The following SLC39A11 variants were observed in gnomAD, a reference collection of about 807,000 sequenced individuals.
SLC39A11 encodes solute carrier family 39 member 11.
A neutral mutation model predicts 36.1 loss-of-function variants in SLC39A11; 33 were observed. That is an observed-to-expected ratio of 0.91 (90% CI 0.69 to 1.22). The LOEUF (loss-of-function observed/expected upper bound fraction) is 1.22, where lower values mean the gene tolerates loss of function less well. Ranked by LOEUF, SLC39A11 falls within the 50% of genes most tolerant of loss-of-function variation. The probability of loss-of-function intolerance (pLI) is 0.00; values close to 1 mark genes in which losing one functional copy is unlikely to be tolerated. For synonymous variants in SLC39A11, 166 were observed against 170.3 expected (o/e 0.97, Z 0.20); for missense variants, 432 against 430.3 (o/e 1.00, Z -0.03).
rs1416287669 is a variant in SLC39A11, at chr17:72,729,439, ATATATATATATATATATATTTTTTTT to A, written c.671+7185_671+7210del. On this transcript the variant is annotated intron_variant, in intron 7 of 9. Coordinates refer to ENST00000255559, the MANE Select transcript of SLC39A11 (RefSeq NM_139177.4). Reference sequence around the variant, plus strand: ...TATATATATATATATATATATATATATATATATATATATATATATTTTTTTTTTTTTTTTTTTTTGTAGAGACAGGG... The same window carrying A: ...TATATATATATATATATATATATATATTTTTTTTTTTTTGTAGAGACAGGG... Among the ~76,000 whole-genome samples the A allele has an allele frequency of 9.2e-3, 20 of 2,172 alleles. 3 individuals are homozygous for A. Among genetic ancestry groups the A allele is most frequent in the African/African-American group, 0.023 (17 of 724 alleles). 1.4% of individuals were successfully genotyped at this position (2,172 alleles called of 152,430 possible). A position where few individuals can be genotyped will look rare whatever the true frequency, so the allele number is the denominator to read the frequency against.
intron 4 of SLC39A11, among the ~76,000 whole-genome samples, chr17:72,986,959 A>T (rs2088810830): frequency 6.6e-6 from 1 of 152,182 alleles, no homozygotes; most frequent in Non-Finnish European, 1.5e-5. Flanking sequence ...CATAGTATGG[A>T]TGTGTGTTCC....
rs573492811 is a variant in SLC39A11 at position 72,791,804 on chromosome 17, G to A, written c.602-55085C>T. On this transcript the variant is annotated intron_variant, in intron 6 of 9. Transcript: ENST00000255559. ...TAAGGGGCTTTTCGCCCTTTTGCTC[G>A]GCACTTCTCTCTCCTGCTGCCATGC... is the stretch of plus-strand genomic sequence containing the variant. Among the ~76,000 whole-genome samples the A allele has an allele frequency of 3.3e-5, 5 of 152,176 alleles. No homozygotes were observed. The South Asian group carries it at 6.2e-4, about 19-fold the overall frequency.
intron 3 of SLC39A11, among the ~76,000 whole-genome samples, chr17:73,053,171 G>C (rs1022555218): frequency 1.3e-5 from 2 of 151,978 alleles, no homozygotes; most frequent in African/African-American, 4.8e-5. Context: ...GGGCAACAGA[G>C]CGCGACCCCA....
chr17:72,956,568 T>A (rs2086258119), intron 4 of SLC39A11, among the ~76,000 whole-genome samples: 1 of 152,216 alleles, frequency 6.6e-6, no homozygotes, highest in Non-Finnish European at 1.5e-5. Context: ...AGAACACAAG[T>A]AACCGAAGTA....
intron 6 of SLC39A11, among the ~76,000 whole-genome samples, chr17:72,795,988 T>C (rs749919240): frequency 1.3e-5 from 2 of 152,050 alleles, no homozygotes; most frequent in Non-Finnish European, 2.9e-5. Context: ...AAATAGTATA[T>C]AGAAAATGAC....
intron 4 of SLC39A11, among the ~76,000 whole-genome samples, chr17:72,961,295 T>G (rs2452927): frequency 0.045 from 6,771 of 152,094 alleles, 178 homozygotes; most frequent in Non-Finnish European, 0.061. Flanking sequence ...GTTGGTGGGA[T>G]TGTAAATTAG....
intron 7 of SLC39A11, among the ~76,000 whole-genome samples, chr17:72,654,784 CA>C (rs2070028375): frequency 6.6e-6 from 1 of 152,238 alleles, no homozygotes; most frequent in Non-Finnish European, 1.5e-5. Context: ...TATTCACAGG[CA>C]GGCACACGAA....
chr17:72,898,335 T>G lies in SLC39A11; in HGVS notation c.431-48531A>C, dbSNP rs114251361. Among the ~76,000 whole-genome samples, 1,151 of 152,284 alleles carry G rather than the reference T, an allele frequency of 7.6e-3. 12 individuals carry two copies. Among genetic ancestry groups the G allele is most frequent in the African/African-American group, 0.027 (1,104 of 41,570 alleles). ...CAACACAGAGAATTGATCAGGACGC[T>G]TCAGGCCTCCCGGCGCATCCACTCA... On this transcript the variant is annotated intron_variant, in intron 5 of 9. Coordinates refer to ENST00000255559, the MANE Select transcript of SLC39A11 (RefSeq NM_139177.4).
At chr17:72,672,019 T>C (rs908484902) in intron 7 of SLC39A11, among the ~76,000 whole-genome samples, 1 of 152,116 alleles carries the variant, frequency 6.6e-6, no homozygotes, top group African/African-American at 2.4e-5. Flanking sequence ...AGATCTTAAA[T>C]GTTCTCATCA....
At position 72,779,185 on chromosome 17, in the gene SLC39A11, T is replaced by C. The variant is rs999969183; in HGVS notation, c.602-42466A>G. Among the ~76,000 whole-genome samples the C allele has an allele frequency of 3.3e-5, 5 of 152,332 alleles. No homozygotes were observed. In the South Asian group the frequency reaches 8.3e-4, roughly 25 times the overall value. Reference sequence around the variant, plus strand: ...GGGGCTGGATGCGGTGGCTCACGCCTGTAATCCCAGTACTTTGGGAAGCGG... The same window carrying C: ...GGGGCTGGATGCGGTGGCTCACGCCCGTAATCCCAGTACTTTGGGAAGCGG... On this transcript the variant is annotated intron_variant, in intron 6 of 9. Transcript: ENST00000255559.
rs147151164 is a variant in SLC39A11, at chr17:72,973,936, G to A, written c.307-26061C>T. On this transcript the variant is annotated intron_variant, in intron 4 of 9. Transcript: ENST00000255559. ...TTAATACAGTGGATTCCTAAGCTCC[G>A]AGGTGACAGTCCAGTCTTGTGTGCA... Among the ~76,000 whole-genome samples the A allele has an allele frequency of 2.6e-3, 400 of 152,120 alleles. 4 individuals carry two copies. The highest frequency in any genetic ancestry group is 2.2e-3 in the Non-Finnish European group (151 of 67,996).
chr17:72,692,233 G>T (rs1007238884), intron 7 of SLC39A11, among the ~76,000 whole-genome samples: 1 of 151,954 alleles, frequency 6.6e-6, no homozygotes, highest in Admixed American at 6.6e-5. Context: ...GGATGGTCTC[G>T]ATCTCCTGAC....
chr17:72,882,054 CAG>C (rs2081217778), intron 5 of SLC39A11, among the ~76,000 whole-genome samples: 1 of 152,150 alleles, frequency 6.6e-6, no homozygotes, highest in African/African-American at 2.4e-5. Flanking sequence ...CCAATTAAAA[CAG>C]ATGCTCTTTC....
chr17:72,663,722 T>C (rs940077613), intron 7 of SLC39A11: 1 of 152,122 alleles, frequency 6.6e-6, no homozygotes, highest in Admixed American at 6.5e-5. Flanking sequence ...GTGTGGGGTA[T>C]TGCCTCAGGA....
chr17:73,034,208 A>G (rs1271975928), intron 3 of SLC39A11, among the ~76,000 whole-genome samples: 1 of 152,206 alleles, frequency 6.6e-6, no homozygotes, highest in Non-Finnish European at 1.5e-5. Flanking sequence ...AACAAGACAC[A>G]GAGATGGAAA....
chr17:73,009,451 C>A (rs1402906452), intron 4 of SLC39A11, among the ~76,000 whole-genome samples: 4 of 151,654 alleles, frequency 2.6e-5, no homozygotes, highest in Non-Finnish European at 5.9e-5. Flanking sequence ...GAAATCAGAC[C>A]CAAAAGGTCA....
chr17:73,084,240 C>T, intron 3 of SLC39A11, among the ~76,000 whole-genome samples: 1 of 151,862 alleles, frequency 6.6e-6, no homozygotes. Context: ...GAGTTCAAGA[C>T]CAGCCTGGGC....
chr17:72,760,186 CT>C (rs1568044160), intron 6 of SLC39A11, among the ~76,000 whole-genome samples: 1 of 152,190 alleles, frequency 6.6e-6, no homozygotes, highest in Non-Finnish European at 1.5e-5. Context: ...GCCACCATGC[CT>C]GGCTAATTTT....
intron 4 of SLC39A11, among the ~76,000 whole-genome samples, chr17:72,981,965 C>A (rs973423914): frequency 6.6e-6 from 1 of 152,022 alleles, no homozygotes. Context: ...AGCTGTAGGC[C>A]GGAGCAGTGG....
Sources: gnomAD v4.1 joint callset for allele counts (sites outside exome capture counted in the v4.1 genomes callset) on GRCh38, gnomAD v4.1.1 for gene constraint, MANE v1.5 for transcripts, NCBI Gene and HGNC (gene_info 2026-07-23, HGNC 2026-07-21) for gene names.